The following MSH4 variants were observed in gnomAD, a reference collection of about 807,000 sequenced individuals.
The protein encoded by MSH4 is mutS homolog 4, also known as mutS protein homolog 4.
A neutral mutation model predicts 113.7 loss-of-function variants in MSH4; 106 were observed. That is an observed-to-expected ratio of 0.93 (90% CI 0.80 to 1.10). The LOEUF is 1.10. Among genes scored for constraint, MSH4 ranks in the 50% least tolerant of loss-of-function variants. The pLI is 0.00. For synonymous variants in MSH4, 368 were observed against 380.2 expected, an observed-to-expected ratio of 0.97 and a Z score of 0.37; for missense variants, 1,061 against 1,093.7, an observed-to-expected ratio of 0.97 and a Z score of 0.42.
intron 14 of MSH4, 50 bp downstream of exon 14, chr1:75,881,420 C>T (rs191101939): frequency 2.1e-5 from 33 of 1,562,764 alleles, no homozygotes; most frequent in South Asian, 1.0e-4. Flanking sequence ...AATTTGTATT[C>T]GATTCAAACA....
intron 7 of MSH4, among the ~76,000 whole-genome samples, chr1:75,822,818 T>G (rs975890666): frequency 8.6e-5 from 13 of 151,958 alleles, no homozygotes; most frequent in African/African-American, 2.7e-4. Context: ...TCTGTTTTTT[T>G]TTGTTGTTGT....
Position 75,822,431 on chromosome 1 carries a change from G to T in MSH4, c.1012G>T (p.Val338Phe). Residue 338 changes from valine (V) to phenylalanine (F), a missense_variant, in exon 7 of 20, where the codon GTT becomes TTT. Coordinates refer to ENST00000263187, the MANE Select transcript of MSH4 (RefSeq NM_002440.4). The part of the protein sequence containing the change: ...DYRNNHTLFG[V>F]LNYTKTPGGS... ...AAGGAATAATCACACTCTCTTTGGT[G>T]TTCTAAATTATACTAAGACTCCTGG... 6.4e-7 allele frequency: 1 copy of T among 1,564,336 alleles called. No homozygotes were observed. The highest frequency in any genetic ancestry group is 8.6e-7 in the Non-Finnish European group (1 of 1,162,228).
intron 7 of MSH4, among the ~76,000 whole-genome samples, chr1:75,843,799 T>G (rs1238227424): frequency 6.6e-6 from 1 of 151,978 alleles, no homozygotes; most frequent in Non-Finnish European, 1.5e-5. Context: ...AATAAACATT[T>G]TCTTATTTTG....
At chr1:75,840,698 AAATAT>A (rs1167220107) in intron 7 of MSH4, among the ~76,000 whole-genome samples, 2 of 140,246 alleles carry the variant, frequency 1.4e-5, no homozygotes, top group African/African-American at 2.5e-5. Context: ...AAATAAAATA[AAATAT>A]AAGAATCTAA....
At chr1:75,830,116 C>T (rs956036479) in intron 7 of MSH4, among the ~76,000 whole-genome samples, 4 of 152,066 alleles carry the variant, frequency 2.6e-5, no homozygotes, top group Non-Finnish European at 1.5e-5. Flanking sequence ...AGCTGAAAAC[C>T]GTGGCACGAG....
intron 7 of MSH4, among the ~76,000 whole-genome samples, chr1:75,843,291 G>A (rs1040676332): frequency 6.6e-6 from 1 of 152,152 alleles, no homozygotes; most frequent in Non-Finnish European, 1.5e-5. Flanking sequence ...TGGCCCAGCT[G>A]CCTTTTCTTT....
chr1:75,912,738 G>A lies in MSH4; in HGVS notation c.2662G>A (p.Val888Met). 6.3e-7 allele frequency: 1 copy of A among 1,582,998 alleles called. No individual in the cohort carries two copies. Among genetic ancestry groups the A allele is most frequent in the South Asian group, 1.2e-5 (1 of 85,820 alleles). Residue 888 changes from valine to methionine, a missense_variant, in exon 20 of 20, where the codon GTG becomes ATG. By Grantham distance (21) the Val-to-Met change is conservative (BLOSUM62 1). Coordinates refer to ENST00000263187, the MANE Select transcript of MSH4 (RefSeq NM_002440.4). The stretch of plus-strand genomic sequence containing the variant: ...CCCTGAGATGGAAAGACAGAGAGCT[G>A]TGTACCATCTAGCCACTAGGCTTGT... ...STPEMERQRA[V>M]YHLATRLVQT...
intron 8 of MSH4, among the ~76,000 whole-genome samples, chr1:75,858,388 T>C (rs553868603): frequency 2.6e-5 from 4 of 152,364 alleles, no homozygotes; most frequent in Middle Eastern, 6.8e-3. Flanking sequence ...TTCAGTATGA[T>C]ATTGGCTGTA....
intron 3 of MSH4, among the ~76,000 whole-genome samples, chr1:75,808,397 A>G (rs1321986532): frequency 6.6e-6 from 1 of 152,200 alleles, no homozygotes. Flanking sequence ...GCTTGCAAAA[A>G]AGTTATTATT....
At chr1:75,893,544 G>C (rs1652306622) in intron 17 of MSH4, among the ~76,000 whole-genome samples, 1 of 152,152 alleles carries the variant, frequency 6.6e-6, no homozygotes, top group Admixed American at 6.5e-5. Flanking sequence ...GATTAACCTA[G>C]CATTACCTGA....
intron 4 of MSH4, among the ~76,000 whole-genome samples, chr1:75,814,478 T>A (rs1386913725): frequency 6.6e-6 from 1 of 151,842 alleles, no homozygotes. Context: ...AAGATTATAA[T>A]TTTCTCTTTG....
chr1:75,815,373 T>A (rs565443590), intron 5 of MSH4, among the ~76,000 whole-genome samples: 3 of 152,184 alleles, frequency 2.0e-5, no homozygotes, highest in Non-Finnish European at 4.4e-5. Flanking sequence ...AAGGCATATA[T>A]TGCTAACTTA....
intron 7 of MSH4, among the ~76,000 whole-genome samples, chr1:75,843,824 T>A (rs1040520682): frequency 3.3e-5 from 5 of 152,072 alleles, no homozygotes; most frequent in Non-Finnish European, 4.4e-5. Context: ...TTTCTTTTTT[T>A]TTTTGAGATG....
In MSH4 at chr1:75,912,745, A is replaced by G. The variant is rs374663093; in HGVS notation, c.2669A>G (p.His890Arg). ...ATGGAAAGACAGAGAGCTGTGTACC[A>G]TCTAGCCACTAGGCTTGTTCAAACT... Reference protein sequence around the residue: ...PEMERQRAVYHLATRLVQTAR... With the variant: ...PEMERQRAVYRLATRLVQTAR... Residue 890 changes from histidine to arginine, a missense_variant, in exon 20 of 20, where the codon CAT becomes CGT. Coordinates refer to ENST00000263187, the MANE Select transcript of MSH4 (RefSeq NM_002440.4). 44 of 1,587,966 alleles carry G rather than the reference A, an allele frequency of 2.8e-5. No homozygotes were observed. Among genetic ancestry groups the G allele is most frequent in the Admixed American group, 2.3e-4 (13 of 55,660 alleles).
intron 15 of MSH4, among the ~76,000 whole-genome samples, chr1:75,885,968 CATGTATAGTATATAT>C (rs1557524541): frequency 2.5e-4 from 24 of 96,228 alleles, no homozygotes; most frequent in Admixed American, 1.5e-3. Context: ...TATTATATAG[CATGTATAGTATATAT>C]GATGTATTAT....
chr1:75,896,780 C>T (rs5745532), intron 17 of MSH4, among the ~76,000 whole-genome samples: 105,567 of 151,924 alleles, frequency 0.69, 37,414 homozygotes, highest in African/African-American at 0.79. Flanking sequence ...GAAATAGAGT[C>T]TACAAAGTTC....
At chr1:75,847,387 T>C (rs1651097014) in intron 7 of MSH4, among the ~76,000 whole-genome samples, 1 of 152,136 alleles carries the variant, frequency 6.6e-6, no homozygotes, top group Non-Finnish European at 1.5e-5. Context: ...AGTTATGTGG[T>C]TAGTGGTTGA....
At chr1:75,866,425 A>G (rs1651563733) in intron 8 of MSH4, among the ~76,000 whole-genome samples, 1 of 152,100 alleles carries the variant, frequency 6.6e-6, no homozygotes, top group African/African-American at 2.4e-5. Flanking sequence ...CAGACTCCCA[A>G]AATGCTGGGA....
chr1:75,891,328 C>T (rs1443427912), intron 17 of MSH4, among the ~76,000 whole-genome samples: 1 of 152,026 alleles, frequency 6.6e-6, no homozygotes, highest in Non-Finnish European at 1.5e-5. Context: ...TGGTCACTCA[C>T]AATATATACA....
Sources: gnomAD v4.1 joint callset for allele counts (sites outside exome capture counted in the v4.1 genomes callset) on GRCh38, gnomAD v4.1.1 for gene constraint, MANE v1.5 for transcripts, NCBI Gene and HGNC (gene_info 2026-07-23, HGNC 2026-07-21) for gene names.